Variants in LACTB observed in about 807,000 individuals in gnomAD.
LACTB encodes serine beta-lactamase-like protein LACTB, mitochondrial.
LACTB carries 35 observed loss-of-function variants against 50.2 expected under a neutral mutation model. The observed-to-expected ratio is 0.70, with a 90% CI of 0.53 to 0.92. The LOEUF (loss-of-function observed/expected upper bound fraction) is 0.92, where lower values mean the gene tolerates loss of function less well. Ranked by LOEUF, LACTB falls within the 40% of genes least tolerant of loss-of-function variation. LACTB has a pLI of 0.00. For synonymous variants in LACTB, 252 were observed against 268.2 expected (o/e 0.94, Z 0.59); for missense variants, 664 against 691.8 (o/e 0.96, Z 0.45).
At chr15:63,123,025 G>T (rs1018386553) in intron 2 of LACTB, among the ~76,000 whole-genome samples, 1 of 152,132 alleles carries the variant, frequency 6.6e-6, no homozygotes, top group Non-Finnish European at 1.5e-5. Context: ...GCCTGAAAAA[G>T]TGGATGATAT....
At position 63,121,942 on chromosome 15, in the gene LACTB, G is replaced by A; in HGVS notation, c.71G>A (p.Arg24Gln). 7.1e-7 allele frequency: 1 copy of A among 1,414,518 alleles called. No homozygotes were observed. Among genetic ancestry groups the A allele is most frequent in the Non-Finnish European group, 9.2e-7 (1 of 1,091,648 alleles). The allele number at this position is 1,414,518 out of a possible 1,614,324, so 87.6% of individuals were successfully genotyped here. A position where few individuals can be genotyped will look rare whatever the true frequency, so the allele number is the denominator to read the frequency against. ...APGGLASSCG[R>Q]RGVHQRAGLP... Reference sequence around the variant, plus strand: ...GGGGGCTTGGCCTCAAGCTGCGGACGACGCGGGGTCCATCAGCGCGCCGGG... The same window carrying A: ...GGGGGCTTGGCCTCAAGCTGCGGACAACGCGGGGTCCATCAGCGCGCCGGG... Residue 24 changes from arginine to glutamine, a missense_variant, in exon 1 of 6, where the codon CGA (arginine) becomes CAA (glutamine). Transcript: ENST00000261893.
chr15:63,129,719 A>C, intron 5 of LACTB, 69 bp downstream of exon 5: 2 of 1,358,374 alleles, frequency 1.5e-6, no homozygotes, highest in Non-Finnish European at 1.9e-6. Context: ...TTAAAAGTCA[A>C]ATTTTCTTTG....
intron 2 of LACTB, among the ~76,000 whole-genome samples, chr15:63,124,169 G>C (rs906868568): frequency 4.6e-5 from 7 of 152,232 alleles, no homozygotes; most frequent in South Asian, 2.1e-4. Flanking sequence ...AACGCTCGCA[G>C]TCTTGTCTTC....
intron 5 of LACTB, chr15:63,140,966 T>C (rs2037222339): frequency 1.0e-6 from 1 of 975,612 alleles, no homozygotes. Context: ...AGGGCAAATA[T>C]GTCATGTGTA....
intron 4 of LACTB, among the ~76,000 whole-genome samples, chr15:63,128,559 C>G (rs1383913839): frequency 2.0e-5 from 3 of 152,106 alleles, no homozygotes; most frequent in Non-Finnish European, 4.4e-5. Flanking sequence ...TGTGATCATA[C>G]CACTTTACTC....
rs902014420 is a variant in LACTB, at chr15:63,122,276, G to T, written c.357+48G>T. 4.1e-6 allele frequency: 6 copies of T among 1,454,104 alleles called. No individual in the cohort carries two copies. In the African/African-American group the frequency reaches 7.1e-5, roughly 17 times the overall value. The allele number at this position is 1,454,104 out of a possible 1,614,324, so 90.1% of individuals were successfully genotyped here. ...CGTAGGGGGCCGGGGATCCACCCCT[G>T]TCGGCGGTGCTGTCGGGGGCTGAGT... On this transcript the variant is annotated intron_variant, in intron 1 of 5. Transcript: ENST00000261893.
intron 2 of LACTB, among the ~76,000 whole-genome samples, chr15:63,126,437 C>T (rs538328213): frequency 2.6e-5 from 4 of 152,296 alleles, no homozygotes; most frequent in South Asian, 2.1e-4. Flanking sequence ...TCACCATGCC[C>T]GGCCCACACT....
At chr15:63,131,687 G>T (rs760072177) in intron 5 of LACTB, among the ~76,000 whole-genome samples, 1 of 152,144 alleles carries the variant, frequency 6.6e-6, no homozygotes, top group South Asian at 2.1e-4. Context: ...GTTCACACCT[G>T]TAATCCCAGC....
At chr15:63,129,803 G>A in intron 5 of LACTB, 153 bp downstream of exon 5, 1 of 1,015,750 alleles carries the variant, frequency 9.8e-7, no homozygotes, top group Non-Finnish European at 1.3e-6. Context: ...GTAAAGTGAA[G>A]GAAGTAAAAC....
At position 63,122,068 on chromosome 15, in the gene LACTB, C is replaced by T; in HGVS notation, c.197C>T (p.Ala66Val). The stretch of plus-strand genomic sequence containing the variant: ...GGTGGGCTGAGGGGCGCGGCCCCGG[C>T]GCAGTCCCCCGCGGCCCCCGACCCT... The part of the protein sequence containing the change: ...LAGGLRGAAP[A>V]QSPAAPDPEA... The change falls in exon 1 of 6, where the codon GCG (alanine) becomes GTG (valine). Residue 66 changes from alanine to valine, a missense_variant. Ala to Val is a moderately conservative substitution (Grantham distance 64). Coordinates refer to ENST00000261893, the MANE Select transcript of LACTB (RefSeq NM_032857.5). The T allele has an allele frequency of 6.9e-7, 1 of 1,441,108 alleles. No homozygotes were observed. The highest frequency in any genetic ancestry group is 3.0e-5 in the East Asian group (1 of 33,278). The allele number at this position is 1,441,108 out of a possible 1,614,324, so 89.3% of individuals were successfully genotyped here. A position where few individuals can be genotyped will look rare whatever the true frequency, so the allele number is the denominator to read the frequency against.
In LACTB at chr15:63,123,229, A is replaced by G. The variant is rs547292026; in HGVS notation, c.424+527A>G. ...ATTTAATACTTTCGGACCATGGATAACTGAAACTGAGGAAAGCGAAACCAC... is the reference window on the plus strand; with the variant it reads ...ATTTAATACTTTCGGACCATGGATAGCTGAAACTGAGGAAAGCGAAACCAC... On this transcript the variant is annotated intron_variant, in intron 2 of 5. Coordinates refer to ENST00000261893, the MANE Select transcript of LACTB (RefSeq NM_032857.5). Among the ~76,000 whole-genome samples the G allele has an allele frequency of 1.3e-4, 20 of 149,322 alleles. No individual in the cohort carries two copies. The East Asian group carries it at 3.8e-3, about 29-fold the overall frequency.
intron 2 of LACTB, among the ~76,000 whole-genome samples, chr15:63,124,165 C>G (rs2037017869): frequency 1.3e-5 from 2 of 152,238 alleles, no homozygotes; most frequent in South Asian, 2.1e-4. Context: ...ACAGAACGCT[C>G]GCAGTCTTGT....
At position 63,122,136 on chromosome 15, in the gene LACTB, G is replaced by A; in HGVS notation, c.265G>A (p.Ala89Thr). ...CGAGCCGCCACAGGAGCAGTCCCTC[G>A]CCCCGTGGTCTCCGCAGACCCCGGC... Reference protein sequence around the residue: ...LAEPPQEQSLAPWSPQTPAPP... With the variant: ...LAEPPQEQSLTPWSPQTPAPP... The change falls in exon 1 of 6, where the codon GCC (alanine) becomes ACC (threonine). Residue 89 changes from alanine (A) to threonine (T), a missense_variant. Ala to Thr is a moderately conservative substitution (Grantham distance 58, BLOSUM62 0). Coordinates refer to ENST00000261893, the MANE Select transcript of LACTB (RefSeq NM_032857.5). 1 of 1,498,048 alleles carries A rather than the reference G, an allele frequency of 6.7e-7. No homozygotes were observed. The highest frequency in any genetic ancestry group is 8.8e-7 in the Non-Finnish European group (1 of 1,131,518). 92.8% of individuals were successfully genotyped at this position (1,498,048 alleles called of 1,614,324 possible). A position where few individuals can be genotyped will look rare whatever the true frequency, so the allele number is the denominator to read the frequency against.
At chr15:63,128,973 C>G (rs748234566) in intron 4 of LACTB, among the ~76,000 whole-genome samples, 1 of 152,196 alleles carries the variant, frequency 6.6e-6, no homozygotes, top group Non-Finnish European at 1.5e-5. Flanking sequence ...GAACTCCTGA[C>G]CTCAGGTGAT....
intron 5 of LACTB, among the ~76,000 whole-genome samples, chr15:63,137,228 C>A (rs138494276): frequency 6.6e-6 from 1 of 152,270 alleles, no homozygotes; most frequent in Non-Finnish European, 1.5e-5. Flanking sequence ...GGCAAGTACA[C>A]TAAATAACCC....
At chr15:63,135,760 A>G (rs1242717775) in intron 5 of LACTB, among the ~76,000 whole-genome samples, 1 of 152,192 alleles carries the variant, frequency 6.6e-6, no homozygotes, top group Non-Finnish European at 1.5e-5. Context: ...TTGAATCTAA[A>G]AAAAGATTCT....
intron 5 of LACTB, among the ~76,000 whole-genome samples, chr15:63,132,660 G>A (rs1454831390): frequency 6.6e-6 from 1 of 151,762 alleles, no homozygotes; most frequent in Non-Finnish European, 1.5e-5. Flanking sequence ...TCTACCAAAA[G>A]TACAAAAAAA....
chr15:63,141,831 T>C lies in LACTB; in HGVS notation c.*26T>C, dbSNP rs1393689819. On this transcript the variant is annotated 3_prime_UTR_variant, in exon 6 of 6. Coordinates refer to ENST00000261893, the MANE Select transcript of LACTB (RefSeq NM_032857.5). ...TAACCTTAACACCATAGGTGCAAAA[T>C]GAGTTGTTCTGAGGTTTTTTTGAAA... is the stretch of plus-strand genomic sequence containing the variant. 6.4e-7 allele frequency: 1 copy of C among 1,570,410 alleles called. No individual in the cohort carries two copies. The highest frequency in any genetic ancestry group is 8.7e-7 in the Non-Finnish European group (1 of 1,153,948).
At chr15:63,139,138 C>T (rs1235542805) in intron 5 of LACTB, among the ~76,000 whole-genome samples, 2 of 144,030 alleles carry the variant, frequency 1.4e-5, no homozygotes, top group Non-Finnish European at 3.0e-5. Flanking sequence ...CACCTGAGTT[C>T]GGGAGTTCAA....
Sources: allele counts gnomAD v4.1 joint callset (sites outside exome capture counted in the v4.1 genomes callset), GRCh38; gene constraint gnomAD v4.1.1; transcripts MANE v1.5; gene names NCBI Gene and HGNC (gene_info 2026-07-23, HGNC 2026-07-21).